Variants in POGLUT2 observed in about 807,000 individuals in gnomAD.
POGLUT2 encodes ER protein 58.
In POGLUT2, 47 loss-of-function variants were observed where a neutral mutation model predicts 57.6. The ratio of observed to expected loss-of-function variants is 0.82; its 90% CI spans 0.65 to 1.04. The LOEUF is 1.04. POGLUT2 is among the 50% of genes least tolerant of loss of function. The pLI is 0.00. For missense variants in POGLUT2, 565 were observed against 614.8 expected (o/e 0.92, Z 0.86); for synonymous variants, 200 against 218.8 (o/e 0.91, Z 0.76).
chr13:102,798,026 C>T (rs1479918541), intron 1 of POGLUT2, among the ~76,000 whole-genome samples: 1 of 152,136 alleles, frequency 6.6e-6, no homozygotes, highest in Non-Finnish European at 1.5e-5. Context: ...TACTTCGATA[C>T]TTTCCTTCCG....
At position 102,790,892 on chromosome 13, in the gene POGLUT2, A is replaced by G. The variant is rs1007236614; in HGVS notation, c.1083+9T>C. The G allele has an allele frequency of 6.6e-7, 1 of 1,511,442 alleles. No homozygotes were observed. Among genetic ancestry groups the G allele is most frequent in the Non-Finnish European group, 9.2e-7 (1 of 1,086,806 alleles). 93.6% of individuals were successfully genotyped at this position (1,511,442 alleles called of 1,614,324 possible). ...AAACAAAAAAGATTAGCTACTGATTAAGTCATACCTTGAAGAAATCAAAAA... is the reference window on the plus strand; with the variant it reads ...AAACAAAAAAGATTAGCTACTGATTGAGTCATACCTTGAAGAAATCAAAAA... On this transcript the variant is annotated intron_variant, in intron 6 of 9. Coordinates refer to ENST00000376004, the MANE Select transcript of POGLUT2 (RefSeq NM_024089.3).
At position 102,793,764 on chromosome 13, in the gene POGLUT2, C is replaced by T. The variant is rs756744416; in HGVS notation, c.431G>A (p.Ser144Asn). The T allele has an allele frequency of 6.2e-7, 1 of 1,614,070 alleles. No homozygotes were observed. Among genetic ancestry groups the T allele is most frequent in the Non-Finnish European group, 8.5e-7 (1 of 1,180,044 alleles). ...HENCDCPLQD[S>N]AAWLREMNCP... ...GTTCATCTCCCGTAGCCAGGCTGCA[C>T]TATCTTGCAGAGGACAGTCACAGTT... The change falls in exon 3 of 10, where the codon AGT becomes AAT. Residue 144 changes from serine (S) to asparagine (N), a missense_variant. By Grantham distance (46) the Ser-to-Asn change is conservative (BLOSUM62 1). Coordinates refer to ENST00000376004, the MANE Select transcript of POGLUT2 (RefSeq NM_024089.3).
chr13:102,796,969 C>G lies in POGLUT2; in HGVS notation c.223G>C (p.Val75Leu), dbSNP rs200980571. 2 of 1,613,640 alleles carry G rather than the reference C, an allele frequency of 1.2e-6. No homozygotes were observed. The highest frequency in any genetic ancestry group is 1.7e-6 in the Non-Finnish European group (2 of 1,179,790). ...SPGEKVFQVK[V>L]SAPEEQFTRV... ...GTGAATTGCTCCTCTGGTGCTGAGACTTTCACCTGGAAGACCTTTTCGCCT... is the reference window on the plus strand; with the variant it reads ...GTGAATTGCTCCTCTGGTGCTGAGAGTTTCACCTGGAAGACCTTTTCGCCT... Residue 75 changes from valine to leucine, a missense_variant, in exon 2 of 10, where the codon GTC (valine) becomes CTC (leucine). Val to Leu is a conservative substitution (Grantham distance 32). Transcript: ENST00000376004.
intron 3 of POGLUT2, 75 bp from the exon 4 acceptor site, chr13:102,793,493 G>T: frequency 7.7e-7 from 1 of 1,298,350 alleles, no homozygotes; most frequent in Non-Finnish European, 1.1e-6. Context: ...GCTTGTCACA[G>T]TGCTCATTCG....
chr13:102,790,970 G>GA lies in POGLUT2; in HGVS notation c.1013dup (p.Phe339LeufsTer3). ...ACAGGTTTTCATCGTGTTTAAAGAA[G>GA]AAAAAGTTGGTGAAAGCAGCGTCTA... On this transcript the variant is annotated frameshift_variant, in exon 6 of 10. Transcript: ENST00000376004. LOFTEE classifies it high-confidence loss of function. 6.2e-7 allele frequency: 1 copy of GA among 1,614,118 alleles called. No homozygotes were observed. The highest frequency in any genetic ancestry group is 8.5e-7 in the Non-Finnish European group (1 of 1,179,962).
At chr13:102,788,856 G>A (rs1225862702) in intron 7 of POGLUT2, among the ~76,000 whole-genome samples, 156 bp downstream of exon 7, 1 of 152,182 alleles carries the variant, frequency 6.6e-6, no homozygotes. Context: ...CAGCCTAGGG[G>A]AACTGCCGTG....
At chr13:102,790,525 G>A (rs1878125416) in intron 6 of POGLUT2, among the ~76,000 whole-genome samples, 1 of 152,218 alleles carries the variant, frequency 6.6e-6, no homozygotes. Context: ...TAAGAAACAA[G>A]TAGTTTATAT....
intron 7 of POGLUT2, among the ~76,000 whole-genome samples, chr13:102,788,222 A>C (rs1878027334): frequency 6.6e-6 from 1 of 152,258 alleles, no homozygotes; most frequent in Non-Finnish European, 1.5e-5. Context: ...GATGAAGCTT[A>C]GCCAGCTGCC....
Position 102,791,085 on chromosome 13 carries a change from C to T in POGLUT2, c.899G>A (p.Ser300Asn), listed in dbSNP as rs1340299638. 1 of 1,614,154 alleles carries T rather than the reference C, an allele frequency of 6.2e-7. No individual in the cohort carries two copies. The highest frequency in any genetic ancestry group is 1.7e-5 in the Admixed American group (1 of 60,022). ...VQANTGPPWE[S>N]KNSTAVWRGR... ...TCTCCAGACGGCAGTGGAATTTTTG[C>T]TTTCCCAGGGAGGACCCGTGTTAGC... The change falls in exon 6 of 10, where the codon AGC becomes AAC. Residue 300 changes from serine to asparagine, a missense_variant. Ser to Asn is a conservative substitution (Grantham distance 46). Coordinates refer to ENST00000376004, the MANE Select transcript of POGLUT2 (RefSeq NM_024089.3).
intron 4 of POGLUT2, among the ~76,000 whole-genome samples, chr13:102,791,791 C>T (rs1259848431): frequency 1.3e-5 from 2 of 152,176 alleles, no homozygotes; most frequent in South Asian, 2.1e-4. Flanking sequence ...AAAAAACATA[C>T]ACCAGGTAGG....
intron 2 of POGLUT2, among the ~76,000 whole-genome samples, chr13:102,796,305 A>AT (rs1555319515): frequency 1.5e-4 from 17 of 116,928 alleles, no homozygotes; most frequent in South Asian, 4.9e-4. Context: ...AAAAAAAAAA[A>AT]AAAAAAATAA....
chr13:102,795,649 C>T (rs1175792318), intron 2 of POGLUT2, among the ~76,000 whole-genome samples: 1 of 152,178 alleles, frequency 6.6e-6, no homozygotes, highest in Non-Finnish European at 1.5e-5. Flanking sequence ...ACAGTCTGCA[C>T]TGAGGTTTTT....
rs1878168014 is a variant in POGLUT2 at position 102,791,346 on chromosome 13, T to C, written c.757A>G (p.Ile253Val). Residue 253 changes from isoleucine (I) to valine (V), a missense_variant, in exon 5 of 10, where the codon ATC (isoleucine) becomes GTC (valine). Ile to Val is a conservative substitution (Grantham distance 29). Coordinates refer to ENST00000376004, the MANE Select transcript of POGLUT2 (RefSeq NM_024089.3). ...TCTGTGGAGCCACACCAGGAAAAGA[T>C]CGGATGGATGTTTGAATTGGATTTC... ...KKKSNSNIHP[I>V]FSWCGSTDSK... is the part of the protein sequence containing the mutation. 6.2e-7 allele frequency: 1 copy of C among 1,613,080 alleles called. No homozygotes were observed. Among genetic ancestry groups the C allele is most frequent in the Non-Finnish European group, 8.5e-7 (1 of 1,179,764 alleles).
Position 102,798,494 on chromosome 13 carries a change from C to T in POGLUT2, c.177G>A (p.Gly59=), listed in dbSNP as rs760388907. 1 of 1,594,690 alleles carries T rather than the reference C, an allele frequency of 6.3e-7. No homozygotes were observed. The highest frequency in any genetic ancestry group is 1.1e-5 in the South Asian group (1 of 88,742). The part of the protein sequence containing the change: ...YFYIQAVDTS[G]NKFTSSPGEK... ...GGAGCCGTTTCTCGACTTACTTATT[C>T]CCTGATGTATCCACTGCCTGAATAT... The change falls in exon 1 of 10, where the codon GGG becomes GGA. Residue 59 remains glycine, a synonymous_variant. Transcript: ENST00000376004.
intron 4 of POGLUT2, chr13:102,791,943 A>T: frequency 8.2e-7 from 1 of 1,214,970 alleles, no homozygotes; most frequent in Middle Eastern, 2.2e-4. Flanking sequence ...AAATGTTTAG[A>T]GTATTTACAA....
intron 9 of POGLUT2, among the ~76,000 whole-genome samples, chr13:102,784,733 T>TG (rs1877865549): frequency 6.6e-6 from 1 of 152,200 alleles, no homozygotes; most frequent in South Asian, 2.1e-4. Context: ...ATCCATGGGC[T>TG]GTACTACTGT....
chr13:102,792,463 T>TA (rs1177003969), intron 4 of POGLUT2, among the ~76,000 whole-genome samples: 1 of 152,200 alleles, frequency 6.6e-6, no homozygotes, highest in Non-Finnish European at 1.5e-5. Flanking sequence ...CTTTCCTCTA[T>TA]AAAATATTGT....
intron 9 of POGLUT2, among the ~76,000 whole-genome samples, chr13:102,784,837 C>T (rs1488960369): frequency 6.6e-6 from 1 of 152,034 alleles, no homozygotes; most frequent in Non-Finnish European, 1.5e-5. Flanking sequence ...CTAACTTCTA[C>T]TACTCAGTGG....
Position 102,794,931 on chromosome 13 carries a change from C to CTTT in POGLUT2, c.389-1128_389-1126dup, listed in dbSNP as rs71131019. ...CAAAAATAAACAAGGAACTGCTATT[C>CTTT]TTTTTTTTTTTTTTTTTAAGAATTA... On this transcript the variant is annotated intron_variant, in intron 2 of 9. Coordinates refer to ENST00000376004, the MANE Select transcript of POGLUT2 (RefSeq NM_024089.3). Among the ~76,000 whole-genome samples the CTTT allele has an allele frequency of 1.3e-3, 179 of 136,942 alleles. 1 individual carries two copies. Among genetic ancestry groups the CTTT allele is most frequent in the African/African-American group, 4.5e-3 (172 of 37,926 alleles). The allele number at this position is 136,942 out of a possible 152,430, so 89.8% of individuals were successfully genotyped here.
Sources: gnomAD v4.1 joint callset for allele counts (sites outside exome capture counted in the v4.1 genomes callset) on GRCh38, gnomAD v4.1.1 for gene constraint, MANE v1.5 for transcripts, NCBI Gene and HGNC (gene_info 2026-07-23, HGNC 2026-07-21) for gene names.